Variants in DHX36 observed in about 807,000 individuals in gnomAD.
The protein encoded by DHX36 is DEAH-box helicase 36.
In DHX36, 50 loss-of-function variants were observed where a neutral mutation model predicts 139.0. The observed-to-expected ratio is 0.36, with a 90% CI of 0.29 to 0.46. The LOEUF (loss-of-function observed/expected upper bound fraction) is 0.46, where lower values mean the gene tolerates loss of function less well. Among genes scored for constraint, DHX36 ranks in the 20% least tolerant of loss-of-function variants. The pLI is 1.00. For synonymous variants in DHX36, 425 were observed against 401.9 expected (o/e 1.06, Z -0.69); for missense variants, 1,024 against 1,211.3 (o/e 0.85, Z 2.29).
At chr3:154,295,471 T>A (rs1391747365) in intron 12 of DHX36, 132 bp from the exon 13 acceptor site, 1 of 438,330 alleles carries the variant, frequency 2.3e-6, no homozygotes, top group African/African-American at 2.1e-5. Flanking sequence ...CATTATTTAA[T>A]GAAAACAGCT....
At position 154,273,634 on chromosome 3, in the gene DHX36, G is replaced by A. The variant is rs1457412035; in HGVS notation, c.*2537C>T. On this transcript the variant is annotated 3_prime_UTR_variant, in exon 25 of 25. Coordinates refer to ENST00000496811, the MANE Select transcript of DHX36 (RefSeq NM_020865.3). ...CATGACTCTAATGCCAGCATTCAAT[G>A]ACAGACAGATCACTTTTAGAAGAAC... 1 of 152,172 alleles carries A rather than the reference G, an allele frequency of 6.6e-6. No individual in the cohort carries two copies. The highest frequency in any genetic ancestry group is 1.5e-5 in the Non-Finnish European group (1 of 68,036). The allele number at this position is 152,172 out of a possible 1,614,324, so 9.4% of individuals were successfully genotyped here. A position where few individuals can be genotyped will look rare whatever the true frequency, so the allele number is the denominator to read the frequency against.
At chr3:154,310,484 T>G (rs1295137105) in intron 4 of DHX36, among the ~76,000 whole-genome samples, 17 of 151,744 alleles carry the variant, frequency 1.1e-4, no homozygotes, top group Admixed American at 1.1e-3. Context: ...ACCTACCTTT[T>G]AAAAATTCCC....
At chr3:154,280,960 G>T in intron 20 of DHX36, 98 bp from the exon 21 acceptor site, 1 of 886,032 alleles carries the variant, frequency 1.1e-6, no homozygotes, top group Non-Finnish European at 1.7e-6. Flanking sequence ...AGCTATCCCT[G>T]CTTTATGAAA....
chr3:154,287,005 A>T (rs779556034), intron 17 of DHX36, among the ~76,000 whole-genome samples: 7 of 152,108 alleles, frequency 4.6e-5, no homozygotes, highest in Non-Finnish European at 1.0e-4. Context: ...AACAAGATTT[A>T]TCATAAAGCT....
chr3:154,294,079 A>T (rs981703983), intron 13 of DHX36, among the ~76,000 whole-genome samples: 1 of 152,202 alleles, frequency 6.6e-6, no homozygotes, highest in African/African-American at 2.4e-5. Flanking sequence ...TCATTATTTA[A>T]ATTTACAGCA....
At chr3:154,298,928 A>G (rs1277969396) in intron 12 of DHX36, among the ~76,000 whole-genome samples, 1 of 151,884 alleles carries the variant, frequency 6.6e-6, no homozygotes, top group Non-Finnish European at 1.5e-5. Flanking sequence ...ATAAATTAAT[A>G]AATAAATAAT....
chr3:154,299,047 G>A (rs750580866), intron 12 of DHX36, among the ~76,000 whole-genome samples: 9 of 152,168 alleles, frequency 5.9e-5, no homozygotes, highest in Non-Finnish European at 1.3e-4. Context: ...TGAGATGGGA[G>A]GATCACTTCA....
chr3:154,319,239 G>T (rs893720190), intron 1 of DHX36: 1 of 151,852 alleles, frequency 6.6e-6, no homozygotes, highest in African/African-American at 2.4e-5. Flanking sequence ...ATAGAATTTT[G>T]ATTATTTCCC....
In DHX36 at chr3:154,276,393, A is replaced by C. The variant is rs1576852234; in HGVS notation, c.2842-37T>G. The C allele has an allele frequency of 7.1e-6, 11 of 1,552,568 alleles. 1 individual carries two copies. The East Asian group carries it at 2.2e-4, about 32-fold the overall frequency. ...AAAATTATACATGTTCAACAAAGGC[A>C]GATATATTACCAAATAACATAATAA... On this transcript the variant is annotated intron_variant, in intron 24 of 24. Transcript: ENST00000496811.
intron 1 of DHX36, among the ~76,000 whole-genome samples, chr3:154,323,880 G>A (rs1713295280): frequency 1.3e-5 from 2 of 152,126 alleles, no homozygotes; most frequent in Admixed American, 1.3e-4. Context: ...TCCTAATAAA[G>A]TTAATTTCGG....
chr3:154,293,156 C>A (rs1711888794), intron 14 of DHX36, among the ~76,000 whole-genome samples: 1 of 152,040 alleles, frequency 6.6e-6, no homozygotes, highest in Non-Finnish European at 1.5e-5. Flanking sequence ...CAAATACTAC[C>A]CCCAACCAGA....
intron 12 of DHX36, among the ~76,000 whole-genome samples, chr3:154,296,759 G>T (rs1241522741): frequency 1.3e-5 from 2 of 152,118 alleles, no homozygotes; most frequent in East Asian, 1.9e-4. Context: ...CCCCAGAAAA[G>T]AACTGTTGTT....
chr3:154,297,184 C>T (rs1469912899), intron 12 of DHX36, among the ~76,000 whole-genome samples: 1 of 152,110 alleles, frequency 6.6e-6, no homozygotes, highest in Non-Finnish European at 1.5e-5. Context: ...ATAGTTTGAA[C>T]AGGCTAGTTG....
At chr3:154,295,370 TAA>T (rs1438350704) in intron 12 of DHX36, 31 bp from the exon 13 acceptor site, 5 of 1,254,378 alleles carry the variant, frequency 4.0e-6, no homozygotes, top group African/African-American at 1.5e-5. Context: ...AATTTTAAGA[TAA>T]AGAGTTGCAG....
chr3:154,292,637 A>C lies in DHX36; in HGVS notation c.1728T>G (p.His576Gln). ...VIDGGKIKET[H>Q]FDTQNNISTM... ...TACTGATATTGTTCTGAGTATCAAA[A>C]TGCGTCTCTTTTATTTTTCCTCCAT... Residue 576 changes from histidine (H) to glutamine (Q), a missense_variant, in exon 15 of 25, where the codon CAT becomes CAG. Physicochemically the swap from His to Gln is conservative, Grantham distance 24 (BLOSUM62 0). This residue lies in a region of DHX36 where 470 missense variants were observed against 616.2 expected (regional missense o/e 0.76). Transcript: ENST00000496811. The C allele has an allele frequency of 6.2e-7, 1 of 1,613,918 alleles. No individual in the cohort carries two copies. The highest frequency in any genetic ancestry group is 1.1e-5 in the South Asian group (1 of 91,070).
intron 16 of DHX36, 88 bp downstream of exon 16, chr3:154,289,621 T>C: frequency 2.6e-6 from 2 of 775,960 alleles, no homozygotes; most frequent in South Asian, 1.7e-5. Context: ...AATTGTTTCT[T>C]GGAGATTAAT....
At chr3:154,305,440 G>A (rs1576874179) in intron 6 of DHX36, 1 of 286,350 alleles carries the variant, frequency 3.5e-6, no homozygotes, top group East Asian at 7.7e-5. Context: ...TTACTTATGG[G>A]GCCTAAATAT....
chr3:154,308,568 C>T (rs1712602250), intron 5 of DHX36, among the ~76,000 whole-genome samples: 1 of 152,170 alleles, frequency 6.6e-6, no homozygotes, highest in African/African-American at 2.4e-5. Context: ...AATCAATGTA[C>T]AGGCTGAGTA....
chr3:154,295,487 ATC>A (rs1443010008), intron 12 of DHX36, 148 bp from the exon 13 acceptor site: 1 of 423,984 alleles, frequency 2.4e-6, no homozygotes, highest in South Asian at 4.9e-5. Flanking sequence ...CAGCTAAACC[ATC>A]TGAGTTGACA....
Sources: allele counts gnomAD v4.1 joint callset (sites outside exome capture counted in the v4.1 genomes callset), GRCh38; gene constraint gnomAD v4.1.1; regional missense constraint gnomAD v4.1.1; transcripts MANE v1.5; gene names NCBI Gene and HGNC (gene_info 2026-07-23, HGNC 2026-07-21).